Variants in CNTN5 observed in about 807,000 individuals in gnomAD.
The protein encoded by CNTN5 is contactin 5.
A neutral mutation model predicts 129.1 loss-of-function variants in CNTN5; 77 were observed. That is an observed-to-expected ratio of 0.60 (90% CI 0.50 to 0.72). The LOEUF is 0.72. Ranked by LOEUF, CNTN5 falls within the 30% of genes least tolerant of loss-of-function variation. The pLI, the probability that CNTN5 is intolerant of heterozygous loss-of-function variation, is 0.00. For missense variants in CNTN5, 1,478 were observed against 1,328.8 expected (o/e 1.11, Z -1.75); for synonymous variants, 509 against 465.6 (o/e 1.09, Z -1.20).
chr11:99,741,292 TTAAG>T (rs1460648403), intron 3 of CNTN5, among the ~76,000 whole-genome samples: 3 of 152,182 alleles, frequency 2.0e-5, no homozygotes, highest in Non-Finnish European at 2.9e-5. Flanking sequence ...TAATGTTTCT[TTAAG>T]TAGCTACGGA....
At chr11:100,147,481 A>G (rs973257800) in intron 13 of CNTN5, among the ~76,000 whole-genome samples, 4 of 152,030 alleles carry the variant, frequency 2.6e-5, no homozygotes, top group South Asian at 2.1e-4. Context: ...TCTTGCCCCT[A>G]TAAGTTAAAC....
intron 13 of CNTN5, among the ~76,000 whole-genome samples, chr11:100,141,773 T>C (rs1167327424): frequency 1.3e-5 from 2 of 152,136 alleles, no homozygotes; most frequent in Non-Finnish European, 2.9e-5. Context: ...GTGTAATTTA[T>C]GGTAAGCTGA....
intron 1 of CNTN5, among the ~76,000 whole-genome samples, chr11:99,232,523 G>T (rs1861055061): frequency 6.6e-6 from 1 of 152,130 alleles, no homozygotes; most frequent in Admixed American, 6.6e-5. Flanking sequence ...CTTTGCTGAA[G>T]TTGCTTGTCA....
chr11:99,955,909 A>C (rs985739515), intron 7 of CNTN5, among the ~76,000 whole-genome samples: 3 of 152,264 alleles, frequency 2.0e-5, no homozygotes, highest in Middle Eastern at 3.4e-3. Flanking sequence ...TCTTGCTTAG[A>C]ATCAATGTTC....
At chr11:99,934,935 TATATATATATATAC>T (rs1284452457) in intron 7 of CNTN5, among the ~76,000 whole-genome samples, 2,897 of 79,486 alleles carry the variant, frequency 0.036, 136 homozygotes, top group African/African-American at 0.097. Flanking sequence ...TATATATATA[TATATATATATATAC>T]ACACACATAT....
intron 7 of CNTN5, among the ~76,000 whole-genome samples, chr11:99,928,643 A>T (rs59509172): frequency 0.074 from 11,226 of 152,228 alleles, 813 homozygotes; most frequent in African/African-American, 0.18. Flanking sequence ...TTGAGTCTGC[A>T]CAAAGCAGCA....
At chr11:100,251,611 C>T (rs1251875747) in intron 16 of CNTN5, among the ~76,000 whole-genome samples, 1 of 152,028 alleles carries the variant, frequency 6.6e-6, no homozygotes, top group Non-Finnish European at 1.5e-5. Context: ...GTCCTCTGTC[C>T]TTTCTACTTC....
chr11:99,059,024 A>G (rs1337500439), intron 1 of CNTN5, among the ~76,000 whole-genome samples: 1 of 149,704 alleles, frequency 6.7e-6, no homozygotes, highest in Non-Finnish European at 1.5e-5. Context: ...AAAGGAAAGC[A>G]TATTATCCCT....
In CNTN5 at chr11:99,586,434, G is replaced by A. The variant is rs768256261; in HGVS notation, c.55+30165G>A. Among the ~76,000 whole-genome samples the A allele has an allele frequency of 5.9e-5, 9 of 152,154 alleles. No homozygotes were observed. The South Asian group carries it at 1.5e-3, about 25-fold the overall frequency. ...ATGCTCTAATTAAAGTAGTTTATTCGTTTTCTTTTTAATGTGCCAAATCTG... is the reference window on the plus strand; with the variant it reads ...ATGCTCTAATTAAAGTAGTTTATTCATTTTCTTTTTAATGTGCCAAATCTG... On this transcript the variant is annotated intron_variant, in intron 3 of 24. Transcript: ENST00000524871.
At chr11:99,621,089 A>G (rs1042510464) in intron 3 of CNTN5, among the ~76,000 whole-genome samples, 9 of 152,344 alleles carry the variant, frequency 5.9e-5, no homozygotes, top group African/African-American at 1.7e-4. Flanking sequence ...ACGGGCAACT[A>G]TAATACAAAG....
intron 3 of CNTN5, among the ~76,000 whole-genome samples, chr11:99,706,619 G>A (rs974810281): frequency 2.0e-5 from 3 of 151,300 alleles, no homozygotes; most frequent in Non-Finnish European, 4.4e-5. Context: ...TTTGTATGTG[G>A]TGTCGTCAGA....
chr11:99,439,410 G>A (rs766738441), intron 2 of CNTN5, among the ~76,000 whole-genome samples: 7 of 151,886 alleles, frequency 4.6e-5, no homozygotes, highest in African/African-American at 7.3e-5. Flanking sequence ...TAAATACTTA[G>A]CATTTAGAAA....
At chr11:99,162,606 A>G (rs1860670476) in intron 1 of CNTN5, among the ~76,000 whole-genome samples, 1 of 152,210 alleles carries the variant, frequency 6.6e-6, no homozygotes, top group Non-Finnish European at 1.5e-5. Context: ...TTCCTATAAT[A>G]CATTATCTGA....
intron 3 of CNTN5, among the ~76,000 whole-genome samples, chr11:99,575,725 C>T (rs1000276225): frequency 6.6e-6 from 1 of 152,180 alleles, no homozygotes; most frequent in African/African-American, 2.4e-5. Context: ...GTTGATGCTT[C>T]ATAAGTAGCC....
chr11:99,829,654 A>G (rs1263584871), intron 4 of CNTN5, among the ~76,000 whole-genome samples: 1 of 152,190 alleles, frequency 6.6e-6, no homozygotes, highest in Non-Finnish European at 1.5e-5. Flanking sequence ...AATTGTGTCA[A>G]TGCAAATGTT....
At chr11:99,362,838 A>C (rs761013281) in intron 2 of CNTN5, among the ~76,000 whole-genome samples, 7 of 152,004 alleles carry the variant, frequency 4.6e-5, no homozygotes, top group Non-Finnish European at 8.8e-5. Context: ...ATATGTGTAA[A>C]GTTTATTTCT....
intron 8 of CNTN5, among the ~76,000 whole-genome samples, chr11:99,985,070 G>C (rs140465693): frequency 1.3e-5 from 2 of 152,052 alleles, no homozygotes; most frequent in African/African-American, 4.8e-5. Context: ...TGACTTCTTC[G>C]CTCCACTACC....
chr11:99,669,495 CAT>C (rs1486654767), intron 3 of CNTN5, among the ~76,000 whole-genome samples: 5 of 150,390 alleles, frequency 3.3e-5, no homozygotes, highest in East Asian at 3.9e-4. Context: ...CATATATACA[CAT>C]ATATTTTTAT....
intron 23 of CNTN5, among the ~76,000 whole-genome samples, chr11:100,342,410 G>C (rs747164794): frequency 6.6e-6 from 1 of 152,088 alleles, no homozygotes; most frequent in Non-Finnish European, 1.5e-5. Context: ...GAACTATGAT[G>C]AACAATATCC....
Sources: allele counts gnomAD v4.1 joint callset (sites outside exome capture counted in the v4.1 genomes callset), GRCh38; gene constraint gnomAD v4.1.1; transcripts MANE v1.5; gene names NCBI Gene and HGNC (gene_info 2026-07-23, HGNC 2026-07-21).